Variants in PIP4K2A observed in about 807,000 individuals in gnomAD.
PIP4K2A encodes phosphatidylinositol-5-phosphate 4-kinase type 2 alpha.
In PIP4K2A, 14 loss-of-function variants were observed where a neutral mutation model predicts 42.9. That is an observed-to-expected ratio of 0.33 (90% CI 0.22 to 0.51). PIP4K2A has a LOEUF of 0.51. Ranked by LOEUF, PIP4K2A falls within the 20% of genes least tolerant of loss-of-function variation. The pLI, the probability that PIP4K2A is intolerant of heterozygous loss-of-function variation, is 0.97. For synonymous variants in PIP4K2A, 192 were observed against 192.2 expected (o/e 1.00, Z 0.01); for missense variants, 434 against 519.8 (o/e 0.83, Z 1.61).
chr10:22,568,436 T>C (rs930082956), intron 5 of PIP4K2A, among the ~76,000 whole-genome samples: 2 of 152,168 alleles, frequency 1.3e-5, no homozygotes, highest in Non-Finnish European at 2.9e-5. Context: ...ACTCTTTCCT[T>C]GCTTGCTATA....
chr10:22,663,768 C>T (rs1388145646), intron 1 of PIP4K2A, among the ~76,000 whole-genome samples: 1 of 151,402 alleles, frequency 6.6e-6, no homozygotes. Context: ...ATTAATATTC[C>T]ACATAAATAC....
intron 3 of PIP4K2A, among the ~76,000 whole-genome samples, chr10:22,603,323 T>C (rs978272163): frequency 6.6e-6 from 1 of 152,172 alleles, no homozygotes; most frequent in Admixed American, 6.5e-5. Flanking sequence ...AGCTCCCTCC[T>C]GCATAACTTT....
chr10:22,543,382 A>G (rs574854756), intron 7 of PIP4K2A, among the ~76,000 whole-genome samples: 1 of 152,336 alleles, frequency 6.6e-6, no homozygotes, highest in South Asian at 2.1e-4. Context: ...AATTGTTTTG[A>G]GCTCAAAAAA....
intron 1 of PIP4K2A, among the ~76,000 whole-genome samples, chr10:22,643,412 T>C (rs1685013751): frequency 6.6e-6 from 1 of 152,216 alleles, no homozygotes; most frequent in Non-Finnish European, 1.5e-5. Context: ...TACTGTCTTT[T>C]TGCAGAAAAA....
intron 7 of PIP4K2A, among the ~76,000 whole-genome samples, chr10:22,550,326 C>T (rs956238081): frequency 2.6e-5 from 4 of 152,258 alleles, no homozygotes; most frequent in African/African-American, 7.2e-5. Context: ...CAGTACTCCC[C>T]TGGCCCCTCC....
intron 3 of PIP4K2A, among the ~76,000 whole-genome samples, chr10:22,603,487 A>G (rs975924885): frequency 1.3e-5 from 2 of 152,080 alleles, no homozygotes; most frequent in Admixed American, 6.5e-5. Flanking sequence ...AAATGAGTAT[A>G]AGAGACTGGA....
chr10:22,587,142 C>T (rs1837414518), intron 4 of PIP4K2A, among the ~76,000 whole-genome samples: 1 of 152,130 alleles, frequency 6.6e-6, no homozygotes, highest in Non-Finnish European at 1.5e-5. Flanking sequence ...TAGCCATGTT[C>T]TACTTCTCCA....
chr10:22,697,356 T>G (rs1366216966), intron 1 of PIP4K2A, among the ~76,000 whole-genome samples: 1 of 152,158 alleles, frequency 6.6e-6, no homozygotes, highest in Non-Finnish European at 1.5e-5. Flanking sequence ...ACAGAGTGGC[T>G]AGCGCACAGA....
chr10:22,601,130 CAAAAAAAAA>C (rs1188396077), intron 3 of PIP4K2A, among the ~76,000 whole-genome samples: 3 of 31,896 alleles, frequency 9.4e-5, no homozygotes, highest in African/African-American at 1.9e-4. Context: ...GAGACTGTCT[CAAAAAAAAA>C]AAAAAAAAAA....
intron 1 of PIP4K2A, among the ~76,000 whole-genome samples, chr10:22,682,658 C>T (rs953012001): frequency 3.2e-4 from 49 of 152,196 alleles, no homozygotes; most frequent in African/African-American, 1.1e-3. Context: ...ACAAGCACAT[C>T]ACAGGCCCTC....
intron 5 of PIP4K2A, among the ~76,000 whole-genome samples, chr10:22,568,842 T>G (rs1454273349): frequency 1.3e-5 from 2 of 152,218 alleles, no homozygotes; most frequent in Admixed American, 1.3e-4. Context: ...GTTTACTGCA[T>G]AAATGGCTGG....
intron 1 of PIP4K2A, among the ~76,000 whole-genome samples, chr10:22,674,026 ATGTG>A (rs1031502155): frequency 7.2e-5 from 11 of 152,196 alleles, no homozygotes; most frequent in Non-Finnish European, 1.3e-4. Context: ...TTCTTCAGCA[ATGTG>A]TGTGTGTTTT....
chr10:22,574,197 C>CAG (rs55841829), intron 4 of PIP4K2A, among the ~76,000 whole-genome samples: 146,131 of 152,282 alleles, frequency 0.96, 70,169 homozygotes, highest in East Asian at 1. Context: ...TTTCATAAAA[C>CAG]GGGTCCCTCT....
rs776932855 is a variant in PIP4K2A at position 22,608,041 on chromosome 10, T to C, written c.243-18A>G. 4 of 1,524,116 alleles carry C rather than the reference T, an allele frequency of 2.6e-6. No individual in the cohort carries two copies. The highest frequency in any genetic ancestry group is 1.1e-5 in the South Asian group (1 of 88,450). 94.4% of individuals were successfully genotyped at this position (1,524,116 alleles called of 1,614,324 possible). A position where few individuals can be genotyped will look rare whatever the true frequency, so the allele number is the denominator to read the frequency against. On this transcript the variant is annotated intron_variant, in intron 2 of 9. Transcript: ENST00000376573. ...TGTTTTCTCTGAAACAGTCACAGCG[T>C]GGAATAAAGCTCAGAGAGAGTCAAT...
chr10:22,611,136 C>T (rs908299803), intron 1 of PIP4K2A, among the ~76,000 whole-genome samples: 2 of 152,122 alleles, frequency 1.3e-5, no homozygotes, highest in African/African-American at 4.8e-5. Flanking sequence ...TATATGTAAT[C>T]CCAGCAATTT....
chr10:22,602,570 T>A (rs1281807081), intron 3 of PIP4K2A, among the ~76,000 whole-genome samples: 1 of 152,096 alleles, frequency 6.6e-6, no homozygotes, highest in Non-Finnish European at 1.5e-5. Context: ...TATTTTAACA[T>A]CTTTATCTCC....
chr10:22,714,193 AC>A lies in PIP4K2A; in HGVS notation c.133del (p.Val45Ter). The A allele has an allele frequency of 6.2e-7, 1 of 1,607,542 alleles. No homozygotes were observed. Among genetic ancestry groups the A allele is most frequent in the East Asian group, 2.3e-5 (1 of 44,134 alleles). On this transcript the variant is annotated frameshift_variant, in exon 1 of 10. Transcript: ENST00000376573. LOFTEE classifies it high-confidence loss of function. ...DPLLSVLMWG[V>X]NHSINELSHV... ...CAGCTGAGCCCTTACCGAGTGGTTT[AC>A]CCCCCACATGAGGACGCTGAGCAGC...
intron 1 of PIP4K2A, among the ~76,000 whole-genome samples, chr10:22,672,592 C>G (rs922363626): frequency 6.6e-6 from 1 of 152,114 alleles, no homozygotes; most frequent in Non-Finnish European, 1.5e-5. Flanking sequence ...GGCATGGGAG[C>G]TGGTGAAGGG....
chr10:22,610,548 A>C (rs1467297297), intron 1 of PIP4K2A, among the ~76,000 whole-genome samples: 2 of 152,236 alleles, frequency 1.3e-5, no homozygotes, highest in African/African-American at 4.8e-5. Flanking sequence ...CAAAACAAGC[A>C]AACAACAAAA....
Sources: allele counts gnomAD v4.1 joint callset (sites outside exome capture counted in the v4.1 genomes callset), GRCh38; gene constraint gnomAD v4.1.1; transcripts MANE v1.5; gene names NCBI Gene and HGNC (gene_info 2026-07-23, HGNC 2026-07-21).